The following ST6GALNAC3 variants were observed in gnomAD, a reference collection of about 807,000 sequenced individuals.
The protein encoded by ST6GALNAC3 is alpha-N-acetylgalactosaminide alpha-2,6-sialyltransferase 3.
A neutral mutation model predicts 32.7 loss-of-function variants in ST6GALNAC3; 25 were observed. The ratio of observed to expected loss-of-function variants is 0.76; its 90% confidence interval spans 0.56 to 1.07. The LOEUF is 1.07. Among genes scored for constraint, ST6GALNAC3 ranks in the 50% least tolerant of loss-of-function variants. The pLI is 0.00. For missense variants in ST6GALNAC3, 355 were observed against 382.4 expected (o/e 0.93, Z 0.60); for synonymous variants, 129 against 133.1 (o/e 0.97, Z 0.21).
intron 1 of ST6GALNAC3, among the ~76,000 whole-genome samples, chr1:76,183,791 A>C (rs1285387086): frequency 6.7e-6 from 1 of 149,616 alleles, no homozygotes; most frequent in Non-Finnish European, 1.5e-5. Context: ...TTATGGTATT[A>C]TAGTCTTATG....
At chr1:76,595,558 A>G (rs573324419) in intron 3 of ST6GALNAC3, among the ~76,000 whole-genome samples, 4 of 152,294 alleles carry the variant, frequency 2.6e-5, no homozygotes, top group Admixed American at 2.6e-4. Flanking sequence ...GAAAACACTC[A>G]GGATAGTGGA....
At chr1:76,426,965 G>A (rs1344955145) in intron 3 of ST6GALNAC3, among the ~76,000 whole-genome samples, 1 of 151,992 alleles carries the variant, frequency 6.6e-6, no homozygotes, top group Non-Finnish European at 1.5e-5. Flanking sequence ...ACATTGAGGT[G>A]ATATAATTTA....
intron 3 of ST6GALNAC3, among the ~76,000 whole-genome samples, chr1:76,550,237 C>T (rs1330206419): frequency 6.6e-6 from 1 of 151,962 alleles, no homozygotes; most frequent in African/African-American, 2.4e-5. Context: ...TATAAGAAAA[C>T]CTTCTTCATT....
chr1:76,177,988 G>T (rs1170483461), intron 1 of ST6GALNAC3, among the ~76,000 whole-genome samples: 2 of 152,214 alleles, frequency 1.3e-5, no homozygotes, highest in South Asian at 2.1e-4. Context: ...TGCAGAGAAG[G>T]TCTGCAGAAA....
intron 3 of ST6GALNAC3, among the ~76,000 whole-genome samples, chr1:76,532,850 A>G (rs114448180): frequency 0.021 from 2,857 of 134,500 alleles, 35 homozygotes; most frequent in South Asian, 0.042. Flanking sequence ...TGTTCTACCA[A>G]TGCTCACAGA....
rs57717495 is a variant in ST6GALNAC3, at chr1:76,211,824, T to C, written c.19-101981T>C. ...CGGGGAGGGATAGCATTAGGAGATA[T>C]ACCTAATGTTAAATGATGAGTTAAT... is the stretch of plus-strand genomic sequence containing the variant. On this transcript the variant is annotated intron_variant, in intron 1 of 4. Coordinates refer to ENST00000328299, the MANE Select transcript of ST6GALNAC3 (RefSeq NM_152996.4). 4.9e-4 allele frequency among the ~76,000 whole-genome samples: 74 copies of C among 152,192 alleles called. 1 individual carries two copies. The highest frequency in any genetic ancestry group is 1.8e-3 in the African/African-American group (74 of 41,518).
At chr1:76,298,591 G>A (rs545416152) in intron 1 of ST6GALNAC3, among the ~76,000 whole-genome samples, 14 of 152,110 alleles carry the variant, frequency 9.2e-5, no homozygotes, top group African/African-American at 3.4e-4. Flanking sequence ...TCTGTGAAGG[G>A]GCCCTGTCCC....
At chr1:76,326,665 TGTTA>T (rs2100941727) in intron 2 of ST6GALNAC3, among the ~76,000 whole-genome samples, 1 of 152,208 alleles carries the variant, frequency 6.6e-6, no homozygotes, top group African/African-American at 2.4e-5. Flanking sequence ...TTTGCTAAAC[TGTTA>T]TTCATGGATA....
intron 3 of ST6GALNAC3, among the ~76,000 whole-genome samples, chr1:76,600,428 AC>A (rs11337041): frequency 0.33 from 50,901 of 152,068 alleles, 8,808 homozygotes; most frequent in African/African-American, 0.42. Flanking sequence ...TCAAATTTCA[AC>A]CCCACCCCTA....
chr1:76,249,913 T>G (rs1657513658), intron 1 of ST6GALNAC3, among the ~76,000 whole-genome samples: 1 of 152,244 alleles, frequency 6.6e-6, no homozygotes, highest in Non-Finnish European at 1.5e-5. Flanking sequence ...TTTGGATGAA[T>G]GCATATTCAC....
At chr1:76,236,308 C>A (rs1656656409) in intron 1 of ST6GALNAC3, among the ~76,000 whole-genome samples, 1 of 152,140 alleles carries the variant, frequency 6.6e-6, no homozygotes, top group African/African-American at 2.4e-5. Context: ...TAAGGTCAGA[C>A]TCTGAGGTAT....
chr1:76,283,677 T>A (rs540203513), intron 1 of ST6GALNAC3, among the ~76,000 whole-genome samples: 1 of 152,232 alleles, frequency 6.6e-6, no homozygotes, highest in Admixed American at 6.5e-5. Context: ...TCAGATTACT[T>A]TTCTATGCAA....
intron 1 of ST6GALNAC3, among the ~76,000 whole-genome samples, chr1:76,248,914 G>C (rs1381625925): frequency 6.6e-6 from 1 of 151,984 alleles, no homozygotes; most frequent in African/African-American, 2.4e-5. Flanking sequence ...CTAAGATCTA[G>C]CACTAATCAA....
chr1:76,293,631 T>C (rs1660220613), intron 1 of ST6GALNAC3, among the ~76,000 whole-genome samples: 1 of 152,188 alleles, frequency 6.6e-6, no homozygotes, highest in South Asian at 2.1e-4. Context: ...ACAAGGTCAA[T>C]GCAAGAAACA....
At chr1:76,370,596 C>T (rs545795696) in intron 2 of ST6GALNAC3, among the ~76,000 whole-genome samples, 130 of 151,968 alleles carry the variant, frequency 8.6e-4, no homozygotes, top group Non-Finnish European at 1.5e-3. Flanking sequence ...GTCAATATGG[C>T]GATAAACTGA....
intron 1 of ST6GALNAC3, among the ~76,000 whole-genome samples, chr1:76,143,188 AACTT>A (rs1221546806): frequency 5.9e-5 from 9 of 152,190 alleles, no homozygotes; most frequent in African/African-American, 2.2e-4. Flanking sequence ...GTTTAAAACT[AACTT>A]TGGATTTATT....
chr1:76,254,829 A>G, intron 1 of ST6GALNAC3, among the ~76,000 whole-genome samples: 1 of 152,082 alleles, frequency 6.6e-6, no homozygotes, highest in South Asian at 2.1e-4. Flanking sequence ...TGAAGCAACA[A>G]GGGCCTCTTC....
At chr1:76,621,841 A>G (rs552888455) in intron 3 of ST6GALNAC3, among the ~76,000 whole-genome samples, 116 of 152,182 alleles carry the variant, frequency 7.6e-4, no homozygotes, top group Middle Eastern at 3.4e-3. Flanking sequence ...CTGAAAACTT[A>G]CTTTACTTTG....
intron 3 of ST6GALNAC3, among the ~76,000 whole-genome samples, chr1:76,482,819 G>C (rs985393365): frequency 6.6e-6 from 1 of 151,882 alleles, no homozygotes; most frequent in Non-Finnish European, 1.5e-5. Flanking sequence ...CTGGTGTGCT[G>C]CACCCATTAA....
Sources: allele counts gnomAD v4.1 joint callset (sites outside exome capture counted in the v4.1 genomes callset), GRCh38; gene constraint gnomAD v4.1.1; transcripts MANE v1.5; gene names NCBI Gene and HGNC (gene_info 2026-07-23, HGNC 2026-07-21).